TRAPPC8: variants seen among roughly 807,000 people sequenced by gnomAD.
TRAPPC8 encodes the protein general sporulation gene 1 homolog.
TRAPPC8 carries 54 observed loss-of-function variants against 174.3 expected under a neutral mutation model. The observed-to-expected ratio is 0.31, with a 90% CI of 0.25 to 0.39. The LOEUF (loss-of-function observed/expected upper bound fraction) is 0.39, where lower values mean the gene tolerates loss of function less well. Ranked by LOEUF, TRAPPC8 falls within the 10% of genes least tolerant of loss-of-function variation. The pLI, the probability that TRAPPC8 is intolerant of heterozygous loss-of-function variation, is 1.00. For missense variants in TRAPPC8, 1,531 were observed against 1,699.1 expected (o/e 0.90, Z 1.74); for synonymous variants, 630 against 579.9 (o/e 1.09, Z -1.24).
At chr18:31,916,531 T>C in intron 3 of TRAPPC8, 85 bp from the exon 4 acceptor site, 1 of 1,284,434 alleles carries the variant, frequency 7.8e-7, no homozygotes, top group Middle Eastern at 2.1e-4. Context: ...AGGTTTTTGT[T>C]TGTTTGTTTG....
chr18:31,880,150 C>T (rs2035377458), intron 12 of TRAPPC8, among the ~76,000 whole-genome samples: 1 of 131,738 alleles, frequency 7.6e-6, no homozygotes, highest in Admixed American at 8.0e-5. Context: ...AGAAAGATTC[C>T]TCCTTAACTA....
chr18:31,887,608 T>TGCACTCCAGCCTGGGCAACAGGAGCG (rs1404933247), intron 12 of TRAPPC8, among the ~76,000 whole-genome samples: 40 of 147,750 alleles, frequency 2.7e-4, no homozygotes, highest in Non-Finnish European at 5.9e-4. Flanking sequence ...ATCACGCCAT[T>TGCACTCCAGCCTGGGCAACAGGAGCG]GCACTCCAGC....
At chr18:31,904,850 T>C (rs957684770) in intron 9 of TRAPPC8, among the ~76,000 whole-genome samples, 1 of 151,964 alleles carries the variant, frequency 6.6e-6, no homozygotes, top group East Asian at 1.9e-4. Context: ...GCCAACTTGG[T>C]GAAACCCCAT....
At chr18:31,906,895 CTAAGA>C (rs1295999856) in intron 9 of TRAPPC8, among the ~76,000 whole-genome samples, 1 of 151,998 alleles carries the variant, frequency 6.6e-6, no homozygotes, top group Admixed American at 6.6e-5. Context: ...AATAACTTGC[CTAAGA>C]TGAGAGAGTG....
intron 1 of TRAPPC8, among the ~76,000 whole-genome samples, chr18:31,932,990 T>C (rs1598759363): frequency 1.4e-5 from 1 of 72,694 alleles, no homozygotes; most frequent in Admixed American, 2.1e-4. Flanking sequence ...AGAGTGAGAC[T>C]CCGTCTCAAA....
chr18:31,852,522 A>AG lies in TRAPPC8; in HGVS notation c.3503-19_3503-18insC. On this transcript the variant is annotated intron_variant, in intron 23 of 28. Coordinates refer to ENST00000283351, the MANE Select transcript of TRAPPC8 (RefSeq NM_014939.5). ...TGTGGCCGCTAAAAAACAGGGGAAA[A>AG]CAAACTAATCATATCATTGGCATAA... The AG allele has an allele frequency of 1.9e-6, 3 of 1,614,178 alleles. No individual in the cohort carries two copies. The highest frequency in any genetic ancestry group is 2.5e-6 in the Non-Finnish European group (3 of 1,180,018).
chr18:31,916,846 CA>C (rs5823825), intron 3 of TRAPPC8, among the ~76,000 whole-genome samples: 42 of 126,878 alleles, frequency 3.3e-4, no homozygotes, highest in Non-Finnish European at 3.4e-4. Flanking sequence ...ATTTTCACAG[CA>C]AAAAAAAAAA....
At chr18:31,887,704 T>C (rs2035781683) in intron 12 of TRAPPC8, among the ~76,000 whole-genome samples, 1 of 149,620 alleles carries the variant, frequency 6.7e-6, no homozygotes, top group African/African-American at 2.5e-5. Flanking sequence ...GCCAATATCA[T>C]ACTGCATGGA....
At position 31,852,311 on chromosome 18, in the gene TRAPPC8, T is replaced by C. The variant is rs913478179; in HGVS notation, c.3561+135A>G. The C allele has an allele frequency of 1.2e-5, 11 of 906,308 alleles. 1 individual carries two copies. The South Asian group carries it at 1.3e-4, about 11-fold the overall frequency. 56.1% of individuals were successfully genotyped at this position (906,308 alleles called of 1,614,324 possible). ...AGCTGTGATCACGCCACTGTACTCC[T>C]GGGAGACAGAGCAAGACCTTGTCTC... On this transcript the variant is annotated intron_variant, in intron 24 of 28. Transcript: ENST00000283351.
chr18:31,844,401 A>G (rs2033273844), intron 26 of TRAPPC8: 1 of 152,220 alleles, frequency 6.6e-6, no homozygotes, highest in South Asian at 2.1e-4. Context: ...GGTGCTGGTT[A>G]GGTTCTAGTT....
In TRAPPC8 at chr18:31,875,646, T is replaced by A. The variant is rs1412408183; in HGVS notation, c.1729-942A>T. Among the ~76,000 whole-genome samples the A allele has an allele frequency of 3.3e-5, 5 of 152,230 alleles. 1 individual carries two copies. The highest frequency in any genetic ancestry group is 7.3e-5 in the Non-Finnish European group (5 of 68,042). On this transcript the variant is annotated intron_variant, in intron 12 of 28. Coordinates refer to ENST00000283351, the MANE Select transcript of TRAPPC8 (RefSeq NM_014939.5). ...ACTTCCTGGTATTCAGTGCATTTAC[T>A]GCAGGACTTAAGAAGAGCAAGAGAT... is the stretch of plus-strand genomic sequence containing the variant.
intron 13 of TRAPPC8, 50 bp downstream of exon 13, chr18:31,874,430 C>T: frequency 6.7e-7 from 1 of 1,503,324 alleles, no homozygotes; most frequent in Non-Finnish European, 9.2e-7. Context: ...AATACTTTCA[C>T]ACTAAAATAC....
chr18:31,870,259 A>G, intron 16 of TRAPPC8, 113 bp downstream of exon 16: 3 of 994,736 alleles, frequency 3.0e-6, no homozygotes, highest in Non-Finnish European at 2.8e-6. Context: ...ATAACTAAGG[A>G]AAAATAAACC....
rs944029154 is a variant in TRAPPC8, at chr18:31,908,219, T to G, written c.1238+84A>C. On this transcript the variant is annotated intron_variant, in intron 8 of 28. Transcript: ENST00000283351. ...ATAAGAAACTAAGAAATTAAAGAGA[T>G]AGTTATCTTCTGCAGGATATACAAT... 4 of 680,848 alleles carry G rather than the reference T, an allele frequency of 5.9e-6. No individual in the cohort carries two copies. The East Asian group carries it at 9.6e-5, about 16-fold the overall frequency. 42.2% of individuals were successfully genotyped at this position (680,848 alleles called of 1,614,324 possible).
intron 22 of TRAPPC8, among the ~76,000 whole-genome samples, chr18:31,853,595 T>A (rs1282059489): frequency 6.6e-6 from 1 of 152,106 alleles, no homozygotes; most frequent in South Asian, 2.1e-4. Flanking sequence ...AGTAATCATG[T>A]ACCCAAGCAC....
intron 26 of TRAPPC8, among the ~76,000 whole-genome samples, chr18:31,843,487 TAA>T (rs138231288): frequency 0.059 from 9,019 of 152,246 alleles, 284 homozygotes; most frequent in Middle Eastern, 0.11. Flanking sequence ...GAACAAAAAT[TAA>T]AAGACATGCT....
chr18:31,931,209 T>C, intron 2 of TRAPPC8, 120 bp downstream of exon 2: 1 of 869,646 alleles, frequency 1.1e-6, no homozygotes, highest in South Asian at 3.4e-5. Context: ...CATTGTATTC[T>C]CAGGCCCTAG....
In TRAPPC8 at chr18:31,846,822, A is replaced by G; in HGVS notation, c.3736-5T>C. ...ACTGTCTTCCACAACGTATGCCTAA[A>G]AAATGCAAAGTACAAAAACGTTACC... On this transcript the variant is annotated splice_polypyrimidine_tract_variant and splice_region_variant and intron_variant, in intron 25 of 28. Transcript: ENST00000283351. The G allele has an allele frequency of 6.2e-7, 1 of 1,607,300 alleles. No homozygotes were observed. Among genetic ancestry groups the G allele is most frequent in the Non-Finnish European group, 8.5e-7 (1 of 1,175,642 alleles).
At chr18:31,889,106 A>G (rs916957867) in intron 12 of TRAPPC8, among the ~76,000 whole-genome samples, 10 of 152,034 alleles carry the variant, frequency 6.6e-5, no homozygotes, top group African/African-American at 2.4e-4. Context: ...ATTTCCACAA[A>G]CTGTACTGTT....
Sources: gnomAD v4.1 joint callset for allele counts (sites outside exome capture counted in the v4.1 genomes callset) on GRCh38, gnomAD v4.1.1 for gene constraint, MANE v1.5 for transcripts, NCBI Gene and HGNC (gene_info 2026-07-23, HGNC 2026-07-21) for gene names.